The following H2AZ2 variants were observed in gnomAD, a reference collection of about 807,000 sequenced individuals.
H2AZ2 encodes histone H2A.V.
A neutral mutation model predicts 15.5 loss-of-function variants in H2AZ2; 5 were observed. That is an observed-to-expected ratio of 0.32 (90% CI 0.17 to 0.68). The LOEUF (loss-of-function observed/expected upper bound fraction) is 0.68, where lower values mean the gene tolerates loss of function less well. Among genes scored for constraint, H2AZ2 ranks in the 30% least tolerant of loss-of-function variants. The probability of loss-of-function intolerance (pLI) is 0.72; values close to 1 mark genes in which losing one functional copy is unlikely to be tolerated. For missense variants in H2AZ2, 42 were observed against 162.5 expected, an observed-to-expected ratio of 0.26 and a Z score of 4.03; for synonymous variants, 44 against 57.4, an observed-to-expected ratio of 0.77 and a Z score of 1.05.
At chr7:44,840,263 C>CT (rs144552490) in intron 3 of H2AZ2, among the ~76,000 whole-genome samples, 95 of 152,108 alleles carry the variant, frequency 6.2e-4, no homozygotes, top group African/African-American at 2.0e-3. Flanking sequence ...AATTTTTTTA[C>CT]TTTGAGATAG....
chr7:44,835,505 C>G lies in H2AZ2; in HGVS notation c.325+24G>C, dbSNP rs375802769. The stretch of plus-strand genomic sequence containing the variant: ...ATTAGTCAGAAAGACCAATAAGAAT[C>G]AAGGCTTAAGTAGTAATACATACCA... On this transcript the variant is annotated intron_variant, in intron 4 of 4. Transcript: ENST00000308153. 47 of 1,599,906 alleles carry G rather than the reference C, an allele frequency of 2.9e-5. No homozygotes were observed. The African/African-American group carries it at 6.0e-4, about 21-fold the overall frequency.
intron 1 of H2AZ2, among the ~76,000 whole-genome samples, chr7:44,846,697 ATC>A (rs1197565589): frequency 4.0e-5 from 6 of 151,616 alleles, no homozygotes; most frequent in East Asian, 1.9e-4. Context: ...CATGAAAATC[ATC>A]TGTTTGAGCA....
At chr7:44,827,300 C>T (rs1042493372), downstream of H2AZ2, 2 of 152,214 alleles carry the variant, frequency 1.3e-5, no homozygotes, top group Non-Finnish European at 2.9e-5. Flanking sequence ...TAGTCTACTT[C>T]AACATGTTAC....
rs188200297 is a variant in H2AZ2 at position 44,833,400 on chromosome 7, T to C, written c.*1101A>G. ...GGCGCGTGCCACCACACCCGGCTAA[T>C]TTTTTGTATTTTTTTAAATAGAGAC... On this transcript the variant is annotated 3_prime_UTR_variant, in exon 5 of 5. Transcript: ENST00000308153. Among the ~76,000 whole-genome samples the C allele has an allele frequency of 0.016, 2,413 of 152,004 alleles. 69 individuals carry two copies. The highest frequency in any genetic ancestry group is 0.056 in the African/African-American group (2,303 of 41,356).
intron 1 of H2AZ2, 96 bp downstream of exon 1, chr7:44,847,873 C>T: frequency 6.6e-7 from 1 of 1,510,106 alleles, no homozygotes; most frequent in South Asian, 1.2e-5. Flanking sequence ...CAGACACCCG[C>T]AAACTCCCGA....
intron 3 of H2AZ2, among the ~76,000 whole-genome samples, chr7:44,840,002 AAAAT>A (rs149563809): frequency 0.11 from 16,047 of 141,914 alleles, 1,098 homozygotes; most frequent in East Asian, 0.34. Flanking sequence ...ACCCTGTCTC[AAAAT>A]AAATAAATAA....
chr7:44,847,672 A>C (rs1309115475), intron 1 of H2AZ2, among the ~76,000 whole-genome samples: 2 of 152,208 alleles, frequency 1.3e-5, no homozygotes, highest in Non-Finnish European at 2.9e-5. Flanking sequence ...TCCAAGCCGG[A>C]TTCTGCCGTC....
At chr7:44,847,830 G>C in intron 1 of H2AZ2, 139 bp downstream of exon 1, 2 of 1,197,666 alleles carry the variant, frequency 1.7e-6, no homozygotes, top group Non-Finnish European at 2.3e-6. Flanking sequence ...GGCGCCCCCC[G>C]GCGGGCGGCG....
intron 1 of H2AZ2, among the ~76,000 whole-genome samples, 160 bp from the exon 2 acceptor site, chr7:44,843,514 T>C (rs1040113920): frequency 1.1e-4 from 16 of 152,214 alleles, no homozygotes; most frequent in African/African-American, 2.4e-5. Flanking sequence ...CTATCACCTT[T>C]TATAATTTCT....
At chr7:44,846,896 C>A (rs1176533697) in intron 1 of H2AZ2, among the ~76,000 whole-genome samples, 2 of 151,992 alleles carry the variant, frequency 1.3e-5, no homozygotes, top group Non-Finnish European at 2.9e-5. Context: ...GCAATTATCC[C>A]TAAAGTCTAT....
chr7:44,837,867 T>C (rs1041914147), intron 3 of H2AZ2, among the ~76,000 whole-genome samples: 1 of 151,992 alleles, frequency 6.6e-6, no homozygotes, highest in African/African-American at 2.4e-5. Flanking sequence ...GCTTGAACCT[T>C]GTGAACCACA....
At chr7:44,842,172 G>A (rs1426860349) in intron 2 of H2AZ2, among the ~76,000 whole-genome samples, 1 of 151,956 alleles carries the variant, frequency 6.6e-6, no homozygotes, top group African/African-American at 2.4e-5. Context: ...CATACAGTAG[G>A]CCCTCAAAAA....
intron 1 of H2AZ2, among the ~76,000 whole-genome samples, chr7:44,845,438 AAGAC>A (rs1793374081): frequency 6.6e-6 from 1 of 152,178 alleles, no homozygotes; most frequent in African/African-American, 2.4e-5. Flanking sequence ...CTCCACTAAC[AAGAC>A]AGTCTTACTT....
At chr7:44,830,668 A>T (rs979071919), downstream of H2AZ2, among the ~76,000 whole-genome samples, 1 of 152,200 alleles carries the variant, frequency 6.6e-6, no homozygotes, top group Non-Finnish European at 1.5e-5. Flanking sequence ...TTTAGGTGTT[A>T]TACTAGTTAG....
rs762215655 is a variant in H2AZ2, at chr7:44,833,991, A to C, written c.*510T>G. 4.3e-5 allele frequency: 9 copies of C among 211,122 alleles called. No homozygotes were observed. Among genetic ancestry groups the C allele is most frequent in the Non-Finnish European group, 6.5e-5 (8 of 122,230 alleles). The allele number at this position is 211,122 out of a possible 1,614,324, so 13.1% of individuals were successfully genotyped here. On this transcript the variant is annotated 3_prime_UTR_variant, in exon 5 of 5. Coordinates refer to ENST00000308153, the MANE Select transcript of H2AZ2 (RefSeq NM_012412.5). ...AACATCTCTCAAATTGGGATGTCTC[A>C]TAATTGATGGCATATCATGATTTAA...
downstream of H2AZ2, chr7:44,828,714 T>A (rs547597824): frequency 6.6e-6 from 1 of 152,312 alleles, no homozygotes; most frequent in East Asian, 1.9e-4. Flanking sequence ...TACCACAAAC[T>A]TAGTGGCTTT....
In H2AZ2 at chr7:44,835,533, C is replaced by A; in HGVS notation, c.321G>T (p.Gly107=). The change falls in exon 4 of 5, where the codon GGG becomes GGT. Residue 107 remains glycine, a synonymous_variant. Coordinates refer to ENST00000308153, the MANE Select transcript of H2AZ2 (RefSeq NM_012412.5). ...LDSLIKATIA[G]GGVIPHIHKS... ...GGCTTAAGTAGTAATACATACCACC[C>A]CCAGCTATGGTAGCCTTGATAAGAG... 1 of 1,613,510 alleles carries A rather than the reference C, an allele frequency of 6.2e-7. No individual in the cohort carries two copies. The highest frequency in any genetic ancestry group is 2.2e-5 in the East Asian group (1 of 44,876).
In H2AZ2 at chr7:44,833,405, TG is replaced by T. The variant is rs201713538; in HGVS notation, c.*1095del. Among the ~76,000 whole-genome samples, 2,412 of 152,240 alleles carry T rather than the reference TG, an allele frequency of 0.016. 69 individuals are homozygous for T. Among genetic ancestry groups the T allele is most frequent in the African/African-American group, 0.055 (2,303 of 41,540 alleles). ...GTGCCACCACACCCGGCTAATTTTT[TG>T]TATTTTTTTAAATAGAGACGGGGTT... On this transcript the variant is annotated 3_prime_UTR_variant, in exon 5 of 5. Transcript: ENST00000308153.
chr7:44,840,812 T>A, intron 3 of H2AZ2, 87 bp downstream of exon 3: 1 of 869,856 alleles, frequency 1.1e-6, no homozygotes, highest in Middle Eastern at 2.2e-4. Context: ...ATAATATGTC[T>A]TTTTTCAAAT....
Sources: allele counts gnomAD v4.1 joint callset (sites outside exome capture counted in the v4.1 genomes callset), GRCh38; gene constraint gnomAD v4.1.1; transcripts MANE v1.5; gene names NCBI Gene and HGNC (gene_info 2026-07-23, HGNC 2026-07-21).